XIST: variants seen among roughly 807,000 people sequenced by gnomAD.
The protein encoded by XIST is X inactive specific transcript (non-protein coding).
chrX:73,849,438 A>C (rs1922857110), exon 1 of XIST: 1 of 557,321 alleles, frequency 1.8e-6, no homozygotes, highest in Non-Finnish European at 3.2e-6. Flanking sequence ...TGGCCAACAC[A>C]GTACACAAGA....
intron 1 of XIST, among the ~76,000 whole-genome samples, chrX:73,840,527 G>A (rs1379034265): frequency 5.4e-5 from 6 of 111,690 alleles, no homozygotes; most frequent in Non-Finnish European, 9.4e-5. Context: ...CGAAAGGTGG[G>A]AGGAAAGAAG....
At chrX:73,846,523 G>C (rs773276360) in exon 1 of XIST, 6 of 557,671 alleles carry the variant, frequency 1.1e-5, no homozygotes, top group Non-Finnish European at 1.6e-5. Flanking sequence ...GGGTCGGAGA[G>C]TAGGACCTTA....
exon 6 of XIST, chrX:73,821,431 C>T: frequency 1.8e-6 from 1 of 557,413 alleles, no homozygotes; most frequent in Non-Finnish European, 3.2e-6. Context: ...CACTGATTCA[C>T]TTAATAAATT....
intron 5 of XIST, chrX:73,828,597 T>C (rs192802511): frequency 8.8e-6 from 1 of 113,493 alleles, no homozygotes; most frequent in African/African-American, 3.2e-5. Flanking sequence ...CTCAATCCCC[T>C]CCTTTAGCAT....
exon 1 of XIST, chrX:73,844,895 A>G (rs758581493): frequency 1.9e-6 from 1 of 524,720 alleles, no homozygotes; most frequent in Non-Finnish European, 3.4e-6. Flanking sequence ...GTTCTTATGG[A>G]GCTGGCACTC....
At chrX:73,826,207 G>A (rs368979682) in exon 6 of XIST, 15 of 557,543 alleles carry the variant, frequency 2.7e-5, no homozygotes, top group Non-Finnish European at 3.9e-5. Context: ...CATTGGCCTG[G>A]AGCATCTCTT....
exon 1 of XIST, chrX:73,850,794 G>A (rs1922916555): frequency 2.0e-6 from 1 of 508,413 alleles, no homozygotes; most frequent in Non-Finnish European, 3.5e-6. Flanking sequence ...AGCCTTAGGT[G>A]AGGCACCAAT....
At chrX:73,850,706 A>AGGGGGGTGGGGAGGT (rs1305408819) in exon 1 of XIST, 1 of 208,591 alleles carries the variant, frequency 4.8e-6, no homozygotes. Context: ...GTAGGGGGGT[A>AGGGGGGTGGGGAGGT]GGGGGGTGGG....
At chrX:73,828,126 T>G in intron 5 of XIST, 1 of 432,132 alleles carries the variant, frequency 2.3e-6, no homozygotes. Context: ...GTAATTATAA[T>G]AAACTATTGT....
exon 6 of XIST, chrX:73,826,329 C>T (rs559589480): frequency 2.9e-4 from 162 of 557,406 alleles, no homozygotes; most frequent in Middle Eastern, 2.2e-3. Flanking sequence ...TACAGTATCA[C>T]CTATATGAAT....
chrX:73,841,155 G>T (rs1922578600), intron 1 of XIST: 1 of 305,967 alleles, frequency 3.3e-6, no homozygotes, highest in African/African-American at 2.7e-5. Flanking sequence ...ACCTAGCATA[G>T]AGCTGGGTCC....
chrX:73,843,669 G>A (rs926045768), exon 1 of XIST: 8 of 556,849 alleles, frequency 1.4e-5, no homozygotes, highest in Non-Finnish European at 2.6e-5. Flanking sequence ...AGCAAAGGTG[G>A]TACAGGAACA....
exon 1 of XIST, chrX:73,846,709 C>A: frequency 1.8e-6 from 1 of 559,015 alleles, no homozygotes. Flanking sequence ...TAGTGCATAG[C>A]AACCTCGACA....
intron 1 of XIST, among the ~76,000 whole-genome samples, chrX:73,839,814 G>C (rs766080861): frequency 9.1e-6 from 1 of 109,802 alleles, no homozygotes; most frequent in East Asian, 2.8e-4. Context: ...ATGCTATCTA[G>C]TATAATCAAT....
At chrX:73,823,213 C>A in exon 6 of XIST, 1 of 540,258 alleles carries the variant, frequency 1.9e-6, no homozygotes, top group Non-Finnish European at 3.3e-6. Context: ...TATCAGTCTC[C>A]TGGCTTTAAA....
At chrX:73,849,156 T>C (rs373028035) in exon 1 of XIST, 4 of 557,874 alleles carry the variant, frequency 7.2e-6, no homozygotes, top group South Asian at 2.2e-5. Context: ...GTAGTCTTCA[T>C]GATTAATGGG....
At chrX:73,841,314 G>A (rs1428241895) in intron 1 of XIST, 3 of 422,037 alleles carry the variant, frequency 7.1e-6, no homozygotes, top group East Asian at 7.2e-5. Context: ...CTTTTCTATA[G>A]GTGGCATCTA....
exon 6 of XIST, chrX:73,823,191 C>G: frequency 1.8e-6 from 1 of 548,983 alleles, no homozygotes; most frequent in Non-Finnish European, 3.3e-6. Flanking sequence ...AAGAACAAAC[C>G]CTGAGCCCTT....
chrX:73,841,796 TA>T (rs749201784), exon 1 of XIST: 1 of 495,220 alleles, frequency 2.0e-6, no homozygotes, highest in Admixed American at 2.9e-5. Context: ...TAATAATTAA[TA>T]AAAAAGGTGG....
Sources: gnomAD v4.1 joint callset for allele counts (sites outside exome capture counted in the v4.1 genomes callset) on GRCh38, gnomAD v4.1.1 for gene constraint, MANE v1.5 for transcripts, NCBI Gene and HGNC (gene_info 2026-07-23, HGNC 2026-07-21) for gene names.